Variants in SMARCA4 observed in about 807,000 individuals in gnomAD.
SMARCA4 encodes the protein SWI/SNF-related matrix-associated actin-dependent regulator of chromatin subfamily A member 4.
SMARCA4 carries 31 observed loss-of-function variants against 193.9 expected under a neutral mutation model. The observed-to-expected ratio is 0.16, with a 90% confidence interval of 0.12 to 0.22. The LOEUF (loss-of-function observed/expected upper bound fraction) is 0.22, where lower values mean the gene tolerates loss of function less well. SMARCA4 is among the 10% of genes least tolerant of loss of function. The probability of loss-of-function intolerance (pLI) is 1.00; values close to 1 mark genes in which losing one functional copy is unlikely to be tolerated. For missense variants in SMARCA4, 1,148 were observed against 2,296.0 expected, an observed-to-expected ratio of 0.50 and a Z score of 10.22; for synonymous variants, 942 against 933.1, an observed-to-expected ratio of 1.01 and a Z score of -0.17.
intron 24 of SMARCA4, among the ~76,000 whole-genome samples, chr19:11,028,192 C>T (rs1242285799): frequency 1.3e-5 from 2 of 152,208 alleles, no homozygotes; most frequent in Non-Finnish European, 2.9e-5. Context: ...ATGCTGGGCG[C>T]ACTGGGGAAG....
chr19:11,015,405 C>T (rs1039794461), intron 16 of SMARCA4, among the ~76,000 whole-genome samples: 1 of 152,096 alleles, frequency 6.6e-6, no homozygotes, highest in African/African-American at 2.4e-5. Flanking sequence ...CCTGATCGGA[C>T]CTTTGGTAGA....
chr19:11,021,984 G>A lies in SMARCA4; in HGVS notation c.2859+17G>A, dbSNP rs1248486295. 1 of 1,611,448 alleles carries A rather than the reference G, an allele frequency of 6.2e-7. No homozygotes were observed. The highest frequency in any genetic ancestry group is 1.3e-5 in the African/African-American group (1 of 74,880). ...GGGGAAAAGGTGGGTTTGCCCAGCT[G>A]TGCCCATGCTGACGGTTCCAGGTGC... is the stretch of plus-strand genomic sequence containing the variant. On this transcript the variant is annotated intron_variant, in intron 19 of 34. Transcript: ENST00000344626.
Position 11,030,781 on chromosome 19 carries a change from C to G in SMARCA4, c.3434C>G (p.Pro1145Arg), listed in dbSNP as rs575615769. Residue 1145 changes from proline (P) to arginine (R), a missense_variant, in exon 25 of 35, where the codon CCC becomes CGC. By Grantham distance (103) the Pro-to-Arg change is moderately radical (BLOSUM62 -2). This residue lies in a region of SMARCA4 where 74 missense variants were observed against 392.3 expected (regional missense o/e 0.19). Coordinates refer to ENST00000344626, the MANE Select transcript of SMARCA4 (RefSeq NM_003072.5). This position sits in a 1 kb window ranked among gnomAD's most constrained non-coding sequence, Gnocchi z 5.5. ...ATGCTGCTGAAAACCTTCAACGAGCCCGGCTCTGAGTACTTCATCTTCCTG... is the reference window on the plus strand; with the variant it reads ...ATGCTGCTGAAAACCTTCAACGAGCGCGGCTCTGAGTACTTCATCTTCCTG... ...RGMLLKTFNE[P>R]GSEYFIFLLS... 2 of 1,610,716 alleles carry G rather than the reference C, an allele frequency of 1.2e-6. No individual in the cohort carries two copies. Among genetic ancestry groups the G allele is most frequent in the Middle Eastern group, 1.7e-4 (1 of 6,056 alleles).
At chr19:10,995,423 C>G (rs2086943279) in intron 9 of SMARCA4, 1 of 461,750 alleles carries the variant, frequency 2.2e-6, no homozygotes, top group Non-Finnish European at 4.3e-6. Context: ...ATGGCCCCTG[C>G]CTTTGTGGGG....
chr19:10,984,159 C>T lies in SMARCA4; in HGVS notation c.8C>T (p.Thr3Ile), dbSNP rs1339941779. Residue 3 changes from threonine to isoleucine, a missense_variant, in exon 2 of 35, where the codon ACT becomes ATT. Thr to Ile is a moderately conservative substitution (Grantham distance 89, BLOSUM62 -1). Around this residue, in one of 17 missense-constraint regions of SMARCA4, gnomAD observed 201 missense variants for 248.3 expected, o/e 0.81. Coordinates refer to ENST00000344626, the MANE Select transcript of SMARCA4 (RefSeq NM_003072.5). This position sits in a 1 kb window ranked among gnomAD's most constrained non-coding sequence, Gnocchi z 4.3. ...TCTGCAGCTCCCGTGAAGATGTCCA[C>T]TCCAGACCCACCCCTGGGCGGAACT... MS[T>I]PDPPLGGTPR... 6.2e-7 allele frequency: 1 copy of T among 1,613,754 alleles called. No individual in the cohort carries two copies. The highest frequency in any genetic ancestry group is 1.7e-5 in the Admixed American group (1 of 60,026).
rs1454767596 is a variant in SMARCA4, at chr19:10,975,214, G to A, written c.-31-8907G>A. 5.3e-5 allele frequency among the ~76,000 whole-genome samples: 8 copies of A among 150,374 alleles called. No homozygotes were observed. The East Asian group carries it at 1.4e-3, about 26-fold the overall frequency. On this transcript the variant is annotated intron_variant, in intron 1 of 34. Coordinates refer to ENST00000344626, the MANE Select transcript of SMARCA4 (RefSeq NM_003072.5). ...GTATTTTTACTAGAGATGGGATTCT[G>A]CTATGTTGGCCAGGCTGGTCCCGAA...
At chr19:10,989,219 G>T (rs1177604548) in intron 6 of SMARCA4, 98 bp from the exon 7 acceptor site, 2 of 1,462,122 alleles carry the variant, frequency 1.4e-6, no homozygotes, top group Non-Finnish European at 1.9e-6. Context: ...CATGACTAGT[G>T]CCTGCCTCTC....
chr19:10,995,594 A>G (rs1207373730), intron 9 of SMARCA4: 1 of 428,312 alleles, frequency 2.3e-6, no homozygotes, highest in Non-Finnish European at 4.7e-6. Context: ...TGATGCACAA[A>G]CGCAGAGACC....
At chr19:10,969,367 C>T (rs918593749) in intron 1 of SMARCA4, among the ~76,000 whole-genome samples, 1 of 152,194 alleles carries the variant, frequency 6.6e-6, no homozygotes, top group Admixed American at 6.5e-5. Flanking sequence ...CTACTTCAGC[C>T]TCCCAAAGTG....
intron 11 of SMARCA4, among the ~76,000 whole-genome samples, chr19:10,998,656 C>T (rs1479429291): frequency 6.6e-6 from 1 of 152,086 alleles, no homozygotes; most frequent in Non-Finnish European, 1.5e-5. Flanking sequence ...CCATGGTCTG[C>T]CAACCCCTGG....
intron 7 of SMARCA4, 90 bp from the exon 8 acceptor site, chr19:10,991,060 G>T: frequency 6.3e-7 from 1 of 1,578,154 alleles, no homozygotes; most frequent in Non-Finnish European, 8.6e-7. Context: ...CTCCTTTAGC[G>T]GTGAAGCATG....
chr19:11,015,702 T>A (rs2089292276), intron 16 of SMARCA4, among the ~76,000 whole-genome samples: 1 of 152,104 alleles, frequency 6.6e-6, no homozygotes, highest in Admixed American at 6.6e-5. Context: ...TACCTGAGAC[T>A]AGGTGATAAA....
intron 30 of SMARCA4, among the ~76,000 whole-genome samples, chr19:11,051,435 C>T (rs910584374): frequency 5.0e-4 from 76 of 152,014 alleles, no homozygotes; most frequent in Non-Finnish European, 1.0e-3. Context: ...GGAGGCCCTT[C>T]CTTTCAGTGA....
intron 21 of SMARCA4, 21 bp downstream of exon 21, chr19:11,024,459 A>T (rs367670353): frequency 6.6e-7 from 1 of 1,503,900 alleles, no homozygotes; most frequent in Non-Finnish European, 9.3e-7. Context: ...GAGTCCCCCA[A>T]CTGCATTCCC....
chr19:11,045,164 CA>C (rs1360321544), intron 30 of SMARCA4, among the ~76,000 whole-genome samples: 1 of 152,038 alleles, frequency 6.6e-6, no homozygotes, highest in South Asian at 2.1e-4. Flanking sequence ...ACTAAAAATA[CA>C]AAAAATTAGC....
At chr19:11,002,213 C>T (rs987022000) in intron 11 of SMARCA4, among the ~76,000 whole-genome samples, 6 of 152,076 alleles carry the variant, frequency 3.9e-5, no homozygotes, top group African/African-American at 1.2e-4. Flanking sequence ...CTTCAGTTTT[C>T]GTTAAAAAAA....
rs1341300859 is a variant in SMARCA4, at chr19:11,033,343, T to C, written c.3600T>C (p.Arg1200=). The C allele has an allele frequency of 5.6e-6, 9 of 1,613,152 alleles. No homozygotes were observed. The highest frequency in any genetic ancestry group is 5.9e-6 in the Non-Finnish European group (7 of 1,180,004). The change falls in exon 26 of 35, where the codon CGT becomes CGC. Residue 1200 remains arginine (R), a synonymous_variant. Transcript: ENST00000344626. The surrounding 1 kb of genome is among the most constrained non-coding windows in gnomAD (Gnocchi z 9.8). ...AHRIGQQNEV[R]VLRLCTVNSV... ...GCATCGGGCAGCAGAACGAGGTGCG[T>C]GTGCTCCGCCTCTGCACCGTCAACA...
rs530831716 is a variant in SMARCA4, at chr19:11,041,106, G to A, written c.4171-201G>A. Reference sequence around the variant, plus strand: ...CAAGCTTGGGTGGGGTGCCTGCTGGGGGCAGTGCTGGTCTTTCACTGCAGC... The same window carrying A: ...CAAGCTTGGGTGGGGTGCCTGCTGGAGGCAGTGCTGGTCTTTCACTGCAGC... On this transcript the variant is annotated intron_variant, in intron 29 of 34. Coordinates refer to ENST00000344626, the MANE Select transcript of SMARCA4 (RefSeq NM_003072.5). The surrounding 1 kb of genome is among the most constrained non-coding windows in gnomAD (Gnocchi z 5.6). 1.7e-6 allele frequency: 1 copy of A among 597,042 alleles called. No homozygotes were observed. The highest frequency in any genetic ancestry group is 1.8e-5 in the African/African-American group (1 of 54,180). The allele number at this position is 597,042 out of a possible 1,614,324, so 37.0% of individuals were successfully genotyped here.
At position 11,033,526 on chromosome 19, in the gene SMARCA4, A is replaced by G. The variant is rs2146656346; in HGVS notation, c.3774+9A>G. 1 of 1,606,736 alleles carries G rather than the reference A, an allele frequency of 6.2e-7. No individual in the cohort carries two copies. On this transcript the variant is annotated intron_variant, in intron 26 of 34. Coordinates refer to ENST00000344626, the MANE Select transcript of SMARCA4 (RefSeq NM_003072.5). This position sits in a 1 kb window ranked among gnomAD's most constrained non-coding sequence, Gnocchi z 9.8. ...ACGAGGAGCAGGATGAGGTGAGCCCAGCACCGGCCCCGACCCCTCCCCAGC... is the reference window on the plus strand; with the variant it reads ...ACGAGGAGCAGGATGAGGTGAGCCCGGCACCGGCCCCGACCCCTCCCCAGC...
Sources: gnomAD v4.1 joint callset for allele counts (sites outside exome capture counted in the v4.1 genomes callset) on GRCh38, gnomAD v4.1.1 for gene constraint, gnomAD v4.1.1 regional missense constraint, Gnocchi (gnomAD v3.1) non-coding constraint, MANE v1.5 for transcripts, NCBI Gene and HGNC (gene_info 2026-07-23, HGNC 2026-07-21) for gene names.